FAM118A: variants seen among roughly 807,000 people sequenced by gnomAD.
FAM118A encodes SIR2 antiphage like 2.
Under a neutral mutation model 38.2 loss-of-function variants are expected in FAM118A, and 25 were observed. The observed-to-expected ratio is 0.65, with a 90% CI of 0.48 to 0.91. The LOEUF is 0.91. FAM118A is among the 40% of genes least tolerant of loss of function. The pLI, the probability that FAM118A is intolerant of heterozygous loss-of-function variation, is 0.00. For missense variants in FAM118A, 425 were observed against 463.3 expected, an observed-to-expected ratio of 0.92 and a Z score of 0.76; for synonymous variants, 178 against 184.1, an observed-to-expected ratio of 0.97 and a Z score of 0.27.
chr22:45,322,734 A>G (rs1033082529), intron 2 of FAM118A, among the ~76,000 whole-genome samples: 5 of 152,216 alleles, frequency 3.3e-5, no homozygotes, highest in Admixed American at 1.3e-4. Flanking sequence ...TGTGTTTGCT[A>G]TAAAGTGAAG....
Position 45,340,540 on chromosome 22 carries a change from G to A in FAM118A, c.*135G>A, listed in dbSNP as rs1017117452. 3.8e-6 allele frequency: 4 copies of A among 1,063,068 alleles called. No homozygotes were observed. The highest frequency in any genetic ancestry group is 5.8e-6 in the Non-Finnish European group (4 of 687,354). The allele number at this position is 1,063,068 out of a possible 1,614,324, so 65.9% of individuals were successfully genotyped here. ...TCACATACACCAAGAGAGCCACATG[G>A]GCATGTGGCCCTCAAGGCTGGGTGA... On this transcript the variant is annotated 3_prime_UTR_variant, in exon 9 of 9. Coordinates refer to ENST00000441876, the MANE Select transcript of FAM118A (RefSeq NM_017911.4).
chr22:45,332,706 C>T lies in FAM118A; in HGVS notation c.933C>T (p.Ser311=). 6.3e-7 allele frequency: 1 copy of T among 1,586,698 alleles called. No homozygotes were observed. Among genetic ancestry groups the T allele is most frequent in the South Asian group, 1.1e-5 (1 of 87,268 alleles). ...DLATQICKQQ[S]PDADRVDSTT... ...CCACTCAGATCTGCAAACAGCAAAGCCCAGGTATGGGATCTGGCTTCACTT... is the reference window on the plus strand; with the variant it reads ...CCACTCAGATCTGCAAACAGCAAAGTCCAGGTATGGGATCTGGCTTCACTT... Residue 311 remains serine (S), a synonymous_variant, in exon 6 of 9, where the codon AGC becomes AGT. Coordinates refer to ENST00000441876, the MANE Select transcript of FAM118A (RefSeq NM_017911.4).
intron 4 of FAM118A, chr22:45,329,909 G>T (rs1478761400): frequency 6.6e-6 from 1 of 152,286 alleles, no homozygotes; most frequent in African/African-American, 2.4e-5. Flanking sequence ...TGACTTGACA[G>T]TGACCCGATG....
intron 8 of FAM118A, among the ~76,000 whole-genome samples, chr22:45,337,318 T>C (rs16993867): frequency 0.12 from 18,465 of 152,246 alleles, 1,466 homozygotes; most frequent in East Asian, 0.34. Context: ...TCAGTGTTCT[T>C]TCCTGCTTAG....
In FAM118A at chr22:45,335,330, T is replaced by G; in HGVS notation, c.938-20T>G. 6.2e-7 allele frequency: 1 copy of G among 1,614,226 alleles called. No individual in the cohort carries two copies. The highest frequency in any genetic ancestry group is 8.5e-7 in the Non-Finnish European group (1 of 1,180,016). Reference sequence around the variant, plus strand: ...CTCTTGGTGTCTCGGCTCCACTGACTGCTTTTCTTTCTCCTTCAGATGCTG... The same window carrying G: ...CTCTTGGTGTCTCGGCTCCACTGACGGCTTTTCTTTCTCCTTCAGATGCTG... On this transcript the variant is annotated intron_variant, in intron 6 of 8. Transcript: ENST00000441876.
intron 1 of FAM118A, among the ~76,000 whole-genome samples, chr22:45,314,999 A>G (rs1405424871): frequency 2.0e-5 from 3 of 152,250 alleles, no homozygotes; most frequent in Non-Finnish European, 4.4e-5. Flanking sequence ...TCGCCACCTC[A>G]TCGGGTTATT....
chr22:45,340,588 C>A lies in FAM118A; in HGVS notation c.*183C>A. The stretch of plus-strand genomic sequence containing the variant: ...TGAGAGGGCTCCCCTGTGTGTTGAA[C>A]TATGCAGGAGGGTGACGCGGACACA... On this transcript the variant is annotated 3_prime_UTR_variant, in exon 9 of 9. Transcript: ENST00000441876. 1 of 689,682 alleles carries A rather than the reference C, an allele frequency of 1.4e-6. No individual in the cohort carries two copies. The highest frequency in any genetic ancestry group is 2.5e-5 in the Admixed American group (1 of 40,570). 42.7% of individuals were successfully genotyped at this position (689,682 alleles called of 1,614,324 possible).
In FAM118A at chr22:45,316,029, CTG is replaced by C. The variant is rs535843365; in HGVS notation, c.-10+5848_-10+5849del. On this transcript the variant is annotated intron_variant, in intron 1 of 8. Coordinates refer to ENST00000441876, the MANE Select transcript of FAM118A (RefSeq NM_017911.4). The stretch of plus-strand genomic sequence containing the variant: ...TATGACTGTCACATGTGCTTGAAGA[CTG>C]TTGCTCAGTGATTTGATTTGATTTT... Among the ~76,000 whole-genome samples, 174 of 152,282 alleles carry C rather than the reference CTG, an allele frequency of 1.1e-3. 1 individual carries two copies. Among genetic ancestry groups the C allele is most frequent in the African/African-American group, 3.9e-3 (164 of 41,564 alleles).
At chr22:45,334,056 T>C (rs2085916063) in intron 6 of FAM118A, among the ~76,000 whole-genome samples, 1 of 152,190 alleles carries the variant, frequency 6.6e-6, no homozygotes, top group Non-Finnish European at 1.5e-5. Context: ...ACAAAATGAT[T>C]TCATGAACAC....
intron 4 of FAM118A, chr22:45,328,915 C>G (rs2085507464): frequency 6.3e-6 from 1 of 158,090 alleles, no homozygotes; most frequent in African/African-American, 2.4e-5. Context: ...AGGAAGTTTC[C>G]AATAGTGGCA....
At chr22:45,335,988 T>G (rs1268783563) in intron 7 of FAM118A, among the ~76,000 whole-genome samples, 2 of 152,242 alleles carry the variant, frequency 1.3e-5, no homozygotes, top group East Asian at 3.8e-4. Context: ...CCTGGCTGTT[T>G]GGCCCAGCGC....
chr22:45,340,628 T>G lies in FAM118A; in HGVS notation c.*223T>G, dbSNP rs1390004305. 1.4e-5 allele frequency: 8 copies of G among 585,804 alleles called. No homozygotes were observed. Among genetic ancestry groups the G allele is most frequent in the Non-Finnish European group, 2.4e-5 (8 of 329,160 alleles). The allele number at this position is 585,804 out of a possible 1,614,324, so 36.3% of individuals were successfully genotyped here. A position where few individuals can be genotyped will look rare whatever the true frequency, so the allele number is the denominator to read the frequency against. Reference sequence around the variant, plus strand: ...ACGCGGACACATTTCAGGTGGACTTTGCAAGGACTGATGGATAGCTACCTC... The same window carrying G: ...ACGCGGACACATTTCAGGTGGACTTGGCAAGGACTGATGGATAGCTACCTC... On this transcript the variant is annotated 3_prime_UTR_variant, in exon 9 of 9. Coordinates refer to ENST00000441876, the MANE Select transcript of FAM118A (RefSeq NM_017911.4).
chr22:45,329,994 A>G (rs914291583), intron 4 of FAM118A: 2 of 152,224 alleles, frequency 1.3e-5, no homozygotes, highest in African/African-American at 2.4e-5. Context: ...AAAGGAATGC[A>G]CTTAGCCATT....
chr22:45,312,339 C>T (rs979812333), intron 1 of FAM118A, among the ~76,000 whole-genome samples: 19 of 152,112 alleles, frequency 1.2e-4, no homozygotes, highest in African/African-American at 3.4e-4. Flanking sequence ...AACTTCTGAT[C>T]GATCAGCTTC....
rs2085399296 is a variant in FAM118A, at chr22:45,327,863, A to G, written c.322A>G (p.Ser108Gly). 6.2e-7 allele frequency: 1 copy of G among 1,614,238 alleles called. No homozygotes were observed. The highest frequency in any genetic ancestry group is 1.3e-5 in the African/African-American group (1 of 75,070). The change falls in exon 4 of 9, where the codon AGC (serine) becomes GGC (glycine). Residue 108 changes from serine (S) to glycine (G), a missense_variant. Transcript: ENST00000441876. ...GTAGCGCACAGGCGATGCCAAGCCC[A>G]GCTTCTTCCAGGACTGCCTGATGGA... ...MSPRTGDAKP[S>G]FFQDCLMEVF...
At position 45,332,474 on chromosome 22, in the gene FAM118A, G is replaced by C; in HGVS notation, c.701G>C (p.Cys234Ser). Residue 234 changes from cysteine (C) to serine (S), a missense_variant, in exon 6 of 9, where the codon TGT becomes TCT. Cys to Ser is a moderately radical substitution (Grantham distance 112). Transcript: ENST00000441876. ...ACCAAGTCCTTTCTGTTTGTGGGCT[G>C]TGGGGAGACCCTTCGTGATCAGATA... ...YRTKSFLFVG[C>S]GETLRDQIFQ... is the part of the protein sequence containing the mutation. 6.2e-7 allele frequency: 1 copy of C among 1,614,224 alleles called. No individual in the cohort carries two copies. The highest frequency in any genetic ancestry group is 1.3e-5 in the African/African-American group (1 of 75,056).
chr22:45,324,715 T>A (rs2085132983), intron 3 of FAM118A, among the ~76,000 whole-genome samples: 1 of 152,202 alleles, frequency 6.6e-6, no homozygotes, highest in South Asian at 2.1e-4. Flanking sequence ...GGTGAGTAGT[T>A]GGAACAGAGA....
At chr22:45,336,820 T>C (rs2086134811) in intron 8 of FAM118A, among the ~76,000 whole-genome samples, 1 of 152,230 alleles carries the variant, frequency 6.6e-6, no homozygotes, top group African/African-American at 2.4e-5. Flanking sequence ...GGACACCCCT[T>C]GTCACTGTCC....
At chr22:45,310,734 C>T (rs542442003) in intron 1 of FAM118A, among the ~76,000 whole-genome samples, 6 of 152,228 alleles carry the variant, frequency 3.9e-5, no homozygotes, top group Admixed American at 3.9e-4. Context: ...GTGGTCCCCG[C>T]GCCTGCAGGT....
Sources: allele counts gnomAD v4.1 joint callset (sites outside exome capture counted in the v4.1 genomes callset), GRCh38; gene constraint gnomAD v4.1.1; transcripts MANE v1.5; gene names NCBI Gene and HGNC (gene_info 2026-07-23, HGNC 2026-07-21).